TEAD4: variants seen among roughly 807,000 people sequenced by gnomAD.
The protein encoded by TEAD4 is TEA domain transcription factor 4.
TEAD4 carries 36 observed loss-of-function variants against 52.4 expected under a neutral mutation model. That is an observed-to-expected ratio of 0.69 (90% CI 0.53 to 0.91). The LOEUF is 0.91. TEAD4 is among the 40% of genes least tolerant of loss of function. The probability of loss-of-function intolerance (pLI) is 0.00; values close to 1 mark genes in which losing one functional copy is unlikely to be tolerated. For synonymous variants in TEAD4, 220 were observed against 231.0 expected (o/e 0.95, Z 0.43); for missense variants, 508 against 583.9 (o/e 0.87, Z 1.34).
intron 10 of TEAD4, among the ~76,000 whole-genome samples, chr12:3,032,786 G>C (rs1419455130): frequency 6.6e-6 from 1 of 152,216 alleles, no homozygotes; most frequent in African/African-American, 2.4e-5. Context: ...GCGGTCATCT[G>C]CTCCCTCCTC....
intron 2 of TEAD4, among the ~76,000 whole-genome samples, chr12:2,974,188 G>T (rs975509861): frequency 3.9e-5 from 6 of 152,112 alleles, no homozygotes; most frequent in African/African-American, 1.4e-4. Context: ...TTTTAGTAGA[G>T]ATGGGAGTCT....
Position 2,962,333 on chromosome 12 carries a change from A to AATTATATATATAAATATAT in TEAD4, c.-30+2295_-30+2296insTATATATATAAATATATAT, listed in dbSNP as rs2098216374. On this transcript the variant is annotated intron_variant, in intron 2 of 12. Coordinates refer to ENST00000359864, the MANE Select transcript of TEAD4 (RefSeq NM_003213.4). ...ATATATAAATATATATATAAATATA[A>AATTATATATATAAATATAT]ATATATATATATATTTTTTGAGATG... Among the ~76,000 whole-genome samples the AATTATATATATAAATATAT allele has an allele frequency of 7.9e-5, 3 of 38,048 alleles. No individual in the cohort carries two copies. In the Admixed American group the frequency reaches 1.3e-3, roughly 16 times the overall value. 25.0% of individuals were successfully genotyped at this position (38,048 alleles called of 152,430 possible).
At chr12:2,987,719 G>T (rs2098239752) in intron 2 of TEAD4, among the ~76,000 whole-genome samples, 1 of 150,938 alleles carries the variant, frequency 6.6e-6, no homozygotes, top group Non-Finnish European at 1.5e-5. Flanking sequence ...ACCGTGCCCA[G>T]CCTGGAATCA....
At chr12:2,965,541 A>G (rs1416132617) in intron 2 of TEAD4, among the ~76,000 whole-genome samples, 1 of 151,918 alleles carries the variant, frequency 6.6e-6, no homozygotes, top group Non-Finnish European at 1.5e-5. Flanking sequence ...GTGTTATCAA[A>G]AATAATTTCA....
rs547711279 is a variant in TEAD4, at chr12:2,994,320, C to A, written c.-29-418C>A. Among the ~76,000 whole-genome samples, 1 of 152,346 alleles carries A rather than the reference C, an allele frequency of 6.6e-6. No individual in the cohort carries two copies. The highest frequency in any genetic ancestry group is 6.5e-5 in the Admixed American group (1 of 15,308). On this transcript the variant is annotated intron_variant, in intron 2 of 12. Transcript: ENST00000359864. The surrounding 1 kb of genome is among the most constrained non-coding windows in gnomAD (Gnocchi z 4.7). Reference sequence around the variant, plus strand: ...CGAGTTCCTGACCTCAAGTGATCTGCCTGCCTCAGCCTCCCAGAGTGCTGG... The same window carrying A: ...CGAGTTCCTGACCTCAAGTGATCTGACTGCCTCAGCCTCCCAGAGTGCTGG...
At chr12:3,001,081 C>T (rs759689013) in intron 3 of TEAD4, among the ~76,000 whole-genome samples, 4 of 152,188 alleles carry the variant, frequency 2.6e-5, no homozygotes, top group South Asian at 4.1e-4. Flanking sequence ...GACTTGATGA[C>T]GGGAGTGTTC....
chr12:3,001,880 C>T (rs146948410), intron 3 of TEAD4, among the ~76,000 whole-genome samples: 1,768 of 152,114 alleles, frequency 0.012, 114 homozygotes, highest in Admixed American at 0.1. Flanking sequence ...CACTCGAGGT[C>T]AGGAGTTCGA....
At chr12:3,031,961 G>T (rs1054998212) in intron 10 of TEAD4, among the ~76,000 whole-genome samples, 1 of 152,164 alleles carries the variant, frequency 6.6e-6, no homozygotes, top group African/African-American at 2.4e-5. Flanking sequence ...GCTCTGAATT[G>T]TCTAAAACAG....
rs534658818 is a variant in TEAD4 at position 2,995,043 on chromosome 12, C to T, written c.226+51C>T. ...TGTACCTGAGGCTGAGGCAAGGGGC[C>T]GACACCAGAACCTTGGGGTTCCTGC... On this transcript the variant is annotated intron_variant, in intron 3 of 12. Transcript: ENST00000359864. 1.7e-5 allele frequency: 27 copies of T among 1,579,778 alleles called. No individual in the cohort carries two copies. The Admixed American group carries it at 2.3e-4, about 13-fold the overall frequency.
At chr12:2,997,812 G>A (rs535726904) in intron 3 of TEAD4, among the ~76,000 whole-genome samples, 2 of 150,944 alleles carry the variant, frequency 1.3e-5, no homozygotes, top group East Asian at 1.9e-4. Flanking sequence ...TTTCGGGGGG[G>A]GGGTGTGTGT....
chr12:2,992,972 GA>G (rs909746700), intron 2 of TEAD4, among the ~76,000 whole-genome samples: 2 of 152,204 alleles, frequency 1.3e-5, no homozygotes, highest in African/African-American at 4.8e-5. Flanking sequence ...AGAGGCACCA[GA>G]AAGTCAATCC....
At chr12:2,972,744 G>A (rs896605311) in intron 2 of TEAD4, among the ~76,000 whole-genome samples, 34 of 151,554 alleles carry the variant, frequency 2.2e-4, no homozygotes, top group African/African-American at 7.7e-4. Context: ...CAGGTGATCC[G>A]CCCGCCTCGG....
Position 2,973,509 on chromosome 12 carries a change from A to G in TEAD4, c.-30+13469A>G, listed in dbSNP as rs371472990. Among the ~76,000 whole-genome samples, 17 of 152,322 alleles carry G rather than the reference A, an allele frequency of 1.1e-4. 1 individual carries two copies. In the East Asian group the frequency reaches 1.5e-3, roughly 14 times the overall value. On this transcript the variant is annotated intron_variant, in intron 2 of 12. Transcript: ENST00000359864. ...TGAGGAACTCTGAAAGTGAGGTGAG[A>G]GTTTGGTGTCCTGAGCTGTGGCCTT...
chr12:3,004,414 A>G (rs3782843), intron 3 of TEAD4, among the ~76,000 whole-genome samples: 1 of 152,040 alleles, frequency 6.6e-6, no homozygotes, highest in African/African-American at 2.4e-5. Flanking sequence ...TTTCATCTTC[A>G]TCAGGCTAAA....
intron 2 of TEAD4, among the ~76,000 whole-genome samples, chr12:2,991,245 A>G (rs1429042177): frequency 6.6e-6 from 1 of 152,178 alleles, no homozygotes; most frequent in Non-Finnish European, 1.5e-5. Flanking sequence ...AAAATAAAAA[A>G]CCAGCTTCCT....
rs2098274664 is a variant in TEAD4, at chr12:3,030,194, G to T, written c.898-7774G>T. 2.6e-5 allele frequency among the ~76,000 whole-genome samples: 4 copies of T among 152,230 alleles called. No individual in the cohort carries two copies. The South Asian group carries it at 6.2e-4, about 24-fold the overall frequency. ...CTTTAAAAAGTTTTTTTGTTTGTTG[G>T]TGTGTTTTTTAATTTTTAATTTCAT... is the stretch of plus-strand genomic sequence containing the variant. On this transcript the variant is annotated intron_variant, in intron 10 of 12. Transcript: ENST00000359864.
intron 10 of TEAD4, among the ~76,000 whole-genome samples, chr12:3,025,126 T>A (rs868683442): frequency 3.9e-5 from 6 of 152,174 alleles, no homozygotes; most frequent in Admixed American, 6.5e-5. Flanking sequence ...TGTCTTTTTG[T>A]AGAGACAAGG....
At chr12:3,011,568 A>G (rs2098260379) in intron 4 of TEAD4, among the ~76,000 whole-genome samples, 1 of 151,646 alleles carries the variant, frequency 6.6e-6, no homozygotes, top group South Asian at 2.1e-4. Context: ...TGCTGCCATC[A>G]CTTAGGAGGA....
intron 3 of TEAD4, 97 bp downstream of exon 3, chr12:2,995,089 C>A: frequency 1.4e-6 from 2 of 1,448,848 alleles, no homozygotes; most frequent in Non-Finnish European, 1.9e-6. Flanking sequence ...AAGGGGATGA[C>A]CACTTGGGGC....
Sources: allele counts gnomAD v4.1 joint callset (sites outside exome capture counted in the v4.1 genomes callset), GRCh38; gene constraint gnomAD v4.1.1; non-coding constraint Gnocchi (gnomAD v3.1); transcripts MANE v1.5; gene names NCBI Gene and HGNC (gene_info 2026-07-23, HGNC 2026-07-21).